Variants in PARD3 observed in about 807,000 individuals in gnomAD.
PARD3 encodes par-3 family cell polarity regulator, also known as partitioning defective 3 homolog.
A neutral mutation model predicts 155.4 loss-of-function variants in PARD3; 75 were observed. The ratio of observed to expected loss-of-function variants is 0.48; its 90% confidence interval spans 0.40 to 0.58. The LOEUF (loss-of-function observed/expected upper bound fraction) is 0.58. Among genes scored for constraint, PARD3 ranks in the 20% least tolerant of loss-of-function variants. PARD3 has a pLI of 0.00. For missense variants in PARD3, 1,642 were observed against 1,721.7 expected, an observed-to-expected ratio of 0.95 and a Z score of 0.82; for synonymous variants, 576 against 610.5, an observed-to-expected ratio of 0.94 and a Z score of 0.83.
intron 20 of PARD3, among the ~76,000 whole-genome samples, chr10:34,305,371 G>C (rs757152030): frequency 3.3e-5 from 5 of 152,238 alleles, no homozygotes; most frequent in African/African-American, 1.2e-4. Context: ...GAGGTTGTCT[G>C]TAAGTGGCCC....
At chr10:34,728,321 A>C (rs1418762796) in intron 1 of PARD3, among the ~76,000 whole-genome samples, 1 of 152,220 alleles carries the variant, frequency 6.6e-6, no homozygotes, top group Non-Finnish European at 1.5e-5. Context: ...TAGCAAATAA[A>C]GTATCTAAAG....
chr10:34,432,332 GCA>G (rs1284264665), intron 5 of PARD3, among the ~76,000 whole-genome samples: 1 of 70,854 alleles, frequency 1.4e-5, no homozygotes, highest in Non-Finnish European at 2.7e-5. Flanking sequence ...ATATACACGT[GCA>G]CATACACACA....
chr10:34,524,869 A>T (rs2082371493), intron 2 of PARD3, among the ~76,000 whole-genome samples: 1 of 152,248 alleles, frequency 6.6e-6, no homozygotes, highest in South Asian at 2.1e-4. Flanking sequence ...CAAAGAGAAC[A>T]TGGTAAGACT....
intron 22 of PARD3, among the ~76,000 whole-genome samples, chr10:34,165,263 G>A (rs750195586): frequency 6.6e-6 from 1 of 152,038 alleles, no homozygotes; most frequent in Non-Finnish European, 1.5e-5. Context: ...TTTAACTTAC[G>A]TGGAGTCTCA....
intron 1 of PARD3, among the ~76,000 whole-genome samples, chr10:34,774,109 A>G (rs1839242654): frequency 6.6e-6 from 1 of 152,234 alleles, no homozygotes; most frequent in Non-Finnish European, 1.5e-5. Flanking sequence ...AACAGAGGGG[A>G]GAAAATACAC....
At position 34,413,142 on chromosome 10, in the gene PARD3, T is replaced by TACACAC. The variant is rs1336586740; in HGVS notation, c.715-11226_715-11225insGTGTGT. Among the ~76,000 whole-genome samples the TACACAC allele has an allele frequency of 4.9e-3, 656 of 132,530 alleles. 9 individuals carry two copies. Among genetic ancestry groups the TACACAC allele is most frequent in the African/African-American group, 0.016 (615 of 38,396 alleles). 86.9% of individuals were successfully genotyped at this position (132,530 alleles called of 152,430 possible). A position where few individuals can be genotyped will look rare whatever the true frequency, so the allele number is the denominator to read the frequency against. On this transcript the variant is annotated intron_variant, in intron 5 of 24. Transcript: ENST00000374788. ...AACATTAGGCAGTACTTCAGATATA[T>TACACAC]ATACACACACACACACACACACACA...
intron 4 of PARD3, among the ~76,000 whole-genome samples, chr10:34,462,920 GGGGAGGGAAT>G (rs1308396205): frequency 2.5e-5 from 3 of 120,452 alleles, no homozygotes; most frequent in African/African-American, 6.5e-5. Flanking sequence ...GGAGGGGAGA[GGGGAGGGAAT>G]GGGAGGGAAG....
chr10:34,261,847 C>CAAACAA (rs1234017943), intron 22 of PARD3, among the ~76,000 whole-genome samples: 4,992 of 130,856 alleles, frequency 0.038, 124 homozygotes, highest in Non-Finnish European at 0.05. Context: ...CAAACAAACA[C>CAAACAA]ACACACACTG....
intron 22 of PARD3, among the ~76,000 whole-genome samples, chr10:34,249,154 A>C (rs917672777): frequency 1.3e-5 from 2 of 152,160 alleles, no homozygotes; most frequent in African/African-American, 2.4e-5. Flanking sequence ...CTGAATACAT[A>C]TACATCTACA....
intron 2 of PARD3, among the ~76,000 whole-genome samples, chr10:34,589,075 TAGAG>T (rs890165531): frequency 6.6e-6 from 1 of 151,768 alleles, no homozygotes; most frequent in East Asian, 1.9e-4. Flanking sequence ...TATGTATACA[TAGAG>T]AGAGAGAGAC....
chr10:34,655,108 T>C (rs1025440241), intron 2 of PARD3, among the ~76,000 whole-genome samples: 1 of 151,482 alleles, frequency 6.6e-6, no homozygotes, highest in African/African-American at 2.4e-5. Context: ...CTTTATCTAG[T>C]ATCAAGTGAC....
intron 3 of PARD3, among the ~76,000 whole-genome samples, chr10:34,484,372 C>A (rs1228501123): frequency 6.6e-6 from 1 of 152,216 alleles, no homozygotes; most frequent in Non-Finnish European, 1.5e-5. Flanking sequence ...ATGAACGACT[C>A]TCATAAATCT....
chr10:34,171,381 T>C (rs1949783272), intron 22 of PARD3, among the ~76,000 whole-genome samples: 1 of 152,204 alleles, frequency 6.6e-6, no homozygotes, highest in Non-Finnish European at 1.5e-5. Context: ...TCAACATTGC[T>C]AAGACGCTGG....
At chr10:34,320,206 T>C (rs559577493) in intron 19 of PARD3, among the ~76,000 whole-genome samples, 86 of 152,300 alleles carry the variant, frequency 5.6e-4, no homozygotes, top group Non-Finnish European at 1.0e-3. Flanking sequence ...ACCATTCCTC[T>C]AGCTTTAGAA....
chr10:34,137,091 C>T (rs730715), intron 22 of PARD3, among the ~76,000 whole-genome samples: 5,719 of 152,238 alleles, frequency 0.038, 259 homozygotes, highest in East Asian at 0.21. Flanking sequence ...AGAACCCACA[C>T]TTGCTTTTTT....
chr10:34,674,374 G>GCGCTCAC (rs2093663524), intron 2 of PARD3, among the ~76,000 whole-genome samples: 1 of 151,908 alleles, frequency 6.6e-6, no homozygotes, highest in South Asian at 2.1e-4. Flanking sequence ...CTGCCACCCT[G>GCGCTCAC]CGCTCACTGC....
At chr10:34,437,224 T>C (rs1434215285) in intron 5 of PARD3, among the ~76,000 whole-genome samples, 1 of 152,098 alleles carries the variant, frequency 6.6e-6, no homozygotes, top group Non-Finnish European at 1.5e-5. Context: ...CCTATCATCA[T>C]CAACTCAAAA....
At chr10:34,207,197 C>T (rs1951521184) in intron 22 of PARD3, among the ~76,000 whole-genome samples, 1 of 152,214 alleles carries the variant, frequency 6.6e-6, no homozygotes, top group East Asian at 1.9e-4. Flanking sequence ...TTATCTCACA[C>T]AGGGGCTCAT....
At chr10:34,174,142 T>G (rs1949929402) in intron 22 of PARD3, among the ~76,000 whole-genome samples, 1 of 152,208 alleles carries the variant, frequency 6.6e-6, no homozygotes, top group South Asian at 2.1e-4. Context: ...GAAAATGTAC[T>G]TCAGCATACA....
Sources: allele counts gnomAD v4.1 joint callset (sites outside exome capture counted in the v4.1 genomes callset), GRCh38; gene constraint gnomAD v4.1.1; transcripts MANE v1.5; gene names NCBI Gene and HGNC (gene_info 2026-07-23, HGNC 2026-07-21).